Variants in SLC14A2 observed in about 807,000 individuals in gnomAD.
SLC14A2 encodes the protein solute carrier family 14 member 2.
SLC14A2 carries 91 observed loss-of-function variants against 104.6 expected under a neutral mutation model. The ratio of observed to expected loss-of-function variants is 0.87; its 90% CI spans 0.73 to 1.04. The LOEUF is 1.04. Among genes scored for constraint, SLC14A2 ranks in the 50% least tolerant of loss-of-function variants. The probability of loss-of-function intolerance (pLI) is 0.00; values close to 1 mark genes in which losing one functional copy is unlikely to be tolerated. For missense variants in SLC14A2, 1,189 were observed against 1,156.0 expected (o/e 1.03, Z -0.41); for synonymous variants, 476 against 466.4 (o/e 1.02, Z -0.27).
At chr18:45,410,361 T>C (rs78156850) in intron 1 of SLC14A2, among the ~76,000 whole-genome samples, 1 of 152,302 alleles carries the variant, frequency 6.6e-6, no homozygotes, top group African/African-American at 2.4e-5. Context: ...CATGGGCAGG[T>C]CATTTGGGAT....
intron 1 of SLC14A2, among the ~76,000 whole-genome samples, chr18:45,346,759 A>T (rs1242507617): frequency 1.3e-5 from 2 of 151,964 alleles, no homozygotes; most frequent in Non-Finnish European, 2.9e-5. Flanking sequence ...CCCGGCCAAC[A>T]TGGTGAAACC....
chr18:45,404,717 G>C (rs1187810107), intron 1 of SLC14A2, among the ~76,000 whole-genome samples: 1 of 152,216 alleles, frequency 6.6e-6, no homozygotes, highest in East Asian at 1.9e-4. Context: ...TGAAACTGGA[G>C]TTCCACTTGA....
intron 1 of SLC14A2, among the ~76,000 whole-genome samples, chr18:45,371,811 C>A (rs926075375): frequency 2.0e-5 from 3 of 152,278 alleles, no homozygotes; most frequent in South Asian, 2.1e-4. Context: ...TGTCTGTTTT[C>A]CAAATACTAA....
At chr18:45,214,689 T>C (rs1328887570) in intron 1 of SLC14A2, among the ~76,000 whole-genome samples, 1 of 152,038 alleles carries the variant, frequency 6.6e-6, no homozygotes, top group African/African-American at 2.4e-5. Flanking sequence ...CTCATATTGA[T>C]TTCTTGGCTT....
chr18:45,240,578 C>T (rs1167009017), intron 1 of SLC14A2, among the ~76,000 whole-genome samples: 1 of 151,698 alleles, frequency 6.6e-6, no homozygotes, highest in Non-Finnish European at 1.5e-5. Context: ...GATGAGGAAA[C>T]TGAGGCACAG....
At chr18:45,284,962 G>A (rs1374013249) in intron 1 of SLC14A2, among the ~76,000 whole-genome samples, 2 of 152,112 alleles carry the variant, frequency 1.3e-5, no homozygotes, top group Admixed American at 6.5e-5. Flanking sequence ...ACCACCTGAT[G>A]GGATAGAAAG....
At chr18:45,596,839 T>A (rs2044724058) in intron 2 of SLC14A2, among the ~76,000 whole-genome samples, 1 of 152,228 alleles carries the variant, frequency 6.6e-6, no homozygotes, top group Non-Finnish European at 1.5e-5. Flanking sequence ...AACTGGGGAC[T>A]GTGGCCTCAC....
At chr18:45,682,107 C>T (rs1397332992) in intron 19 of SLC14A2, among the ~76,000 whole-genome samples, 3 of 152,190 alleles carry the variant, frequency 2.0e-5, no homozygotes, top group African/African-American at 7.2e-5. Context: ...TATTAGGGTT[C>T]CCAGTGGCTG....
At chr18:45,522,783 C>T (rs565486818) in intron 2 of SLC14A2, among the ~76,000 whole-genome samples, 291 of 152,268 alleles carry the variant, frequency 1.9e-3, no homozygotes, top group African/African-American at 6.5e-3. Context: ...CTCAGGCTCT[C>T]ATTGGATTCC....
chr18:45,237,656 A>G (rs2144041178), intron 1 of SLC14A2, among the ~76,000 whole-genome samples: 1 of 152,346 alleles, frequency 6.6e-6, no homozygotes, highest in East Asian at 1.9e-4. Flanking sequence ...GTTCTCAGAA[A>G]CCATTAGATG....
chr18:45,406,839 G>A (rs1328997711), intron 1 of SLC14A2, among the ~76,000 whole-genome samples: 6 of 150,752 alleles, frequency 4.0e-5, no homozygotes, highest in Non-Finnish European at 8.9e-5. Flanking sequence ...TTTTTTTTCT[G>A]AGCAGTAAGT....
intron 1 of SLC14A2, among the ~76,000 whole-genome samples, chr18:45,392,532 T>C (rs191204525): frequency 2.8e-4 from 42 of 152,318 alleles, no homozygotes; most frequent in Admixed American, 2.7e-3. Context: ...TTAGCTAAAA[T>C]GGCTATTTGC....
At position 45,297,169 on chromosome 18, in the gene SLC14A2, T is replaced by C. The variant is rs564202585; in HGVS notation, c.-125+83978T>C. On this transcript the variant is annotated intron_variant, in intron 1 of 20. Coordinates refer to the SLC14A2 transcript ENST00000586448. ...AATCAATATAAGAGATCATGGGTGATGTGTAGATAGTCTGTTCACCCAATA... is the reference window on the plus strand; with the variant it reads ...AATCAATATAAGAGATCATGGGTGACGTGTAGATAGTCTGTTCACCCAATA... Among the ~76,000 whole-genome samples, 11 of 152,326 alleles carry C rather than the reference T, an allele frequency of 7.2e-5. No homozygotes were observed. In the South Asian group the frequency reaches 2.1e-3, roughly 29 times the overall value.
At chr18:45,671,395 T>C (rs1420775537) in intron 16 of SLC14A2, among the ~76,000 whole-genome samples, 1 of 152,190 alleles carries the variant, frequency 6.6e-6, no homozygotes, top group African/African-American at 2.4e-5. Flanking sequence ...TTTTGTCTTT[T>C]TGACCTTTAA....
At chr18:45,403,388 TA>T (rs1453767457) in intron 1 of SLC14A2, among the ~76,000 whole-genome samples, 2 of 152,256 alleles carry the variant, frequency 1.3e-5, no homozygotes, top group Non-Finnish European at 2.9e-5. Flanking sequence ...AATAATAATT[TA>T]ATTCTACCAT....
chr18:45,505,255 C>G (rs552106438), intron 2 of SLC14A2, among the ~76,000 whole-genome samples: 1 of 152,276 alleles, frequency 6.6e-6, no homozygotes, highest in East Asian at 1.9e-4. Context: ...CAAGGGCAGA[C>G]AGGGAGATGG....
At chr18:45,602,574 G>A (rs1202624363) in intron 2 of SLC14A2, among the ~76,000 whole-genome samples, 1 of 152,204 alleles carries the variant, frequency 6.6e-6, no homozygotes, top group East Asian at 1.9e-4. Flanking sequence ...ACTCACTTCA[G>A]CTGCTCTACC....
At chr18:45,459,499 A>G (rs939290003) in intron 1 of SLC14A2, among the ~76,000 whole-genome samples, 9 of 152,180 alleles carry the variant, frequency 5.9e-5, no homozygotes, top group Non-Finnish European at 1.2e-4. Flanking sequence ...CTCTGCCTCA[A>G]AGAAGGTGTG....
At chr18:45,474,451 G>T (rs1343150212) in intron 1 of SLC14A2, among the ~76,000 whole-genome samples, 2 of 152,152 alleles carry the variant, frequency 1.3e-5, no homozygotes, top group African/African-American at 4.8e-5. Flanking sequence ...CAGAAGGAGT[G>T]GTACCAGCTC....
Sources: allele counts gnomAD v4.1 joint callset (sites outside exome capture counted in the v4.1 genomes callset), GRCh38; gene constraint gnomAD v4.1.1; transcripts MANE v1.5; gene names NCBI Gene and HGNC (gene_info 2026-07-23, HGNC 2026-07-21).